Variants in CSMD1 observed in about 807,000 individuals in gnomAD.
CSMD1 encodes CUB and Sushi multiple domains 1, also known as CUB and sushi domain-containing protein 1.
A neutral mutation model predicts 417.5 loss-of-function variants in CSMD1; 213 were observed. The ratio of observed to expected loss-of-function variants is 0.51; its 90% CI spans 0.46 to 0.57. The LOEUF (loss-of-function observed/expected upper bound fraction) is 0.57. Ranked by LOEUF, CSMD1 falls within the 20% of genes least tolerant of loss-of-function variation. CSMD1 has a pLI of 0.00. For synonymous variants in CSMD1, 2,862 were observed against 1,736.8 expected (o/e 1.65, Z -16.11); for missense variants, 6,923 against 4,529.7 (o/e 1.53, Z -15.17).
chr8:3,273,083 CTTA>C (rs1801992282), intron 26 of CSMD1, among the ~76,000 whole-genome samples: 1 of 151,972 alleles, frequency 6.6e-6, no homozygotes, highest in Admixed American at 6.6e-5. Context: ...ATAGATAGCT[CTTA>C]TTATTTTGAG....
rs1189088895 is a variant in CSMD1, at chr8:3,493,628, C to T, written c.1443G>A (p.Leu481=). The change falls in exon 11 of 70, where the codon TTG becomes TTA. Residue 481 remains leucine (L), a synonymous_variant. Coordinates refer to ENST00000635120, the MANE Select transcript of CSMD1 (RefSeq NM_033225.6). Reference sequence around the variant, plus strand: ...AAGCTCAAGGACATACTCACACGTACAAGACCGATCTGGTGTCTCCCACCT... The same window carrying T: ...AAGCTCAAGGACATACTCACACGTATAAGACCGATCTGGTGTCTCCCACCT... ...AGKVGDTRSV[L]YVLTGSSVPD... is the part of the protein sequence containing the mutation. 10 of 1,608,384 alleles carry T rather than the reference C, an allele frequency of 6.2e-6. No homozygotes were observed. The African/African-American group carries it at 1.3e-4, about 21-fold the overall frequency.
At chr8:4,655,628 G>T (rs550809101) in intron 1 of CSMD1, among the ~76,000 whole-genome samples, 10 of 152,128 alleles carry the variant, frequency 6.6e-5, no homozygotes, top group South Asian at 2.1e-4. Flanking sequence ...TGCTATAGAA[G>T]AACATAGCAT....
At chr8:4,556,479 T>C (rs1798092615) in intron 2 of CSMD1, among the ~76,000 whole-genome samples, 1 of 152,142 alleles carries the variant, frequency 6.6e-6, no homozygotes, top group Admixed American at 6.5e-5. Context: ...TACAGTCTCA[T>C]GAGGAAAGTC....
chr8:3,464,788 C>T (rs1464402100), intron 12 of CSMD1, among the ~76,000 whole-genome samples: 1 of 151,950 alleles, frequency 6.6e-6, no homozygotes, highest in African/African-American at 2.4e-5. Context: ...AGCATTTGGG[C>T]TTTTGAACAG....
rs781133708 is a variant in CSMD1, at chr8:4,758,999, T to C, written c.86-121441A>G. 5.6e-5 allele frequency among the ~76,000 whole-genome samples: 8 copies of C among 143,346 alleles called. No individual in the cohort carries two copies. The South Asian group carries it at 1.5e-3, about 27-fold the overall frequency. The allele number at this position is 143,346 out of a possible 152,430, so 94.0% of individuals were successfully genotyped here. A position where few individuals can be genotyped will look rare whatever the true frequency, so the allele number is the denominator to read the frequency against. The stretch of plus-strand genomic sequence containing the variant: ...AGTGCATTGCATGACTTTGTAAGAA[T>C]GTCTTAAATAAGGTTCCCCAGGAAA... On this transcript the variant is annotated intron_variant, in intron 1 of 69. Coordinates refer to ENST00000635120, the MANE Select transcript of CSMD1 (RefSeq NM_033225.6).
At chr8:3,389,974 T>C (rs1280225060) in intron 17 of CSMD1, among the ~76,000 whole-genome samples, 2 of 152,126 alleles carry the variant, frequency 1.3e-5, no homozygotes, top group African/African-American at 4.8e-5. Context: ...TGTTGAGTGG[T>C]AGAATTATGA....
intron 50 of CSMD1, among the ~76,000 whole-genome samples, chr8:3,039,390 T>G (rs530883954): frequency 6.8e-6 from 1 of 146,044 alleles, no homozygotes; most frequent in African/African-American, 2.6e-5. Flanking sequence ...CTTCCTTCCT[T>G]CCCCCTTCCC....
intron 1 of CSMD1, among the ~76,000 whole-genome samples, chr8:4,749,657 T>C (rs1811179006): frequency 6.6e-6 from 1 of 152,228 alleles, no homozygotes; most frequent in Admixed American, 6.5e-5. Context: ...AATTCCAGTT[T>C]AGTAATTTTT....
chr8:4,959,033 C>T (rs989696695), intron 1 of CSMD1, among the ~76,000 whole-genome samples: 2 of 152,098 alleles, frequency 1.3e-5, no homozygotes, highest in Non-Finnish European at 2.9e-5. Flanking sequence ...ATTATCAAGC[C>T]ATGCTATATA....
chr8:4,125,166 A>C (rs1276069663), intron 3 of CSMD1, among the ~76,000 whole-genome samples: 3 of 152,136 alleles, frequency 2.0e-5, no homozygotes, highest in East Asian at 3.9e-4. Flanking sequence ...TCTCAAAAGG[A>C]AGATAACTCT....
intron 3 of CSMD1, among the ~76,000 whole-genome samples, chr8:4,234,414 C>T (rs900314154): frequency 2.0e-5 from 3 of 152,094 alleles, no homozygotes; most frequent in African/African-American, 7.2e-5. Flanking sequence ...CCTCAGTCTG[C>T]TCTTCCATGG....
At chr8:3,464,956 T>A (rs962784127) in intron 12 of CSMD1, among the ~76,000 whole-genome samples, 1 of 152,200 alleles carries the variant, frequency 6.6e-6, no homozygotes, top group Admixed American at 6.5e-5. Flanking sequence ...GGGGAAATTA[T>A]CAATTCACAC....
At chr8:4,760,360 C>G (rs764896624) in intron 1 of CSMD1, among the ~76,000 whole-genome samples, 1 of 152,102 alleles carries the variant, frequency 6.6e-6, no homozygotes, top group Non-Finnish European at 1.5e-5. Context: ...GAAGGTGAAT[C>G]GAGGACATGT....
At chr8:4,163,526 T>G (rs1797285532) in intron 3 of CSMD1, among the ~76,000 whole-genome samples, 1 of 152,194 alleles carries the variant, frequency 6.6e-6, no homozygotes, top group African/African-American at 2.4e-5. Flanking sequence ...TGTGAAATAT[T>G]TAATATTAGG....
chr8:4,227,572 G>A (rs1038774595), intron 3 of CSMD1, among the ~76,000 whole-genome samples: 3 of 152,008 alleles, frequency 2.0e-5, no homozygotes, highest in African/African-American at 4.8e-5. Flanking sequence ...TTATTCAGAA[G>A]AGAAGTCCCA....
chr8:4,322,121 G>A (rs1394765915), intron 3 of CSMD1, among the ~76,000 whole-genome samples: 3 of 151,920 alleles, frequency 2.0e-5, no homozygotes, highest in African/African-American at 4.8e-5. Context: ...ATAAAATATT[G>A]GATCATTTTA....
At chr8:3,510,488 T>A (rs982979315) in intron 10 of CSMD1, among the ~76,000 whole-genome samples, 2 of 151,894 alleles carry the variant, frequency 1.3e-5, no homozygotes, top group Non-Finnish European at 2.9e-5. Context: ...ACAGGGTCTC[T>A]GAAAATGAGG....
intron 5 of CSMD1, among the ~76,000 whole-genome samples, chr8:3,913,011 T>C (rs1373014060): frequency 6.6e-6 from 1 of 152,078 alleles, no homozygotes; most frequent in Non-Finnish European, 1.5e-5. Flanking sequence ...CTGGTGACTA[T>C]AATGAGCTAA....
At chr8:4,111,601 G>C (rs2130911804) in intron 3 of CSMD1, among the ~76,000 whole-genome samples, 1 of 152,254 alleles carries the variant, frequency 6.6e-6, no homozygotes, top group African/African-American at 2.4e-5. Context: ...AAAAAGAAAT[G>C]AAATTATGTC....
Sources: allele counts gnomAD v4.1 joint callset (sites outside exome capture counted in the v4.1 genomes callset), GRCh38; gene constraint gnomAD v4.1.1; transcripts MANE v1.5; gene names NCBI Gene and HGNC (gene_info 2026-07-23, HGNC 2026-07-21).